TBC1D16: variants seen among roughly 807,000 people sequenced by gnomAD.
TBC1D16 encodes the protein CTD-2529O21.1.
TBC1D16 carries 58 observed loss-of-function variants against 74.7 expected under a neutral mutation model. The observed-to-expected ratio is 0.78, with a 90% CI of 0.63 to 0.97. TBC1D16 has a LOEUF of 0.97. Ranked by LOEUF, TBC1D16 falls within the 50% of genes least tolerant of loss-of-function variation. The probability of loss-of-function intolerance (pLI) is 0.00; values close to 1 mark genes in which losing one functional copy is unlikely to be tolerated. For missense variants in TBC1D16, 1,014 were observed against 1,079.5 expected (o/e 0.94, Z 0.85); for synonymous variants, 493 against 474.7 (o/e 1.04, Z -0.50).
rs2033125867 is a variant in TBC1D16, at chr17:79,952,653, C to T, written c.941+4G>A. Reference sequence around the variant, plus strand: ...CCCAGGAGGCGCCCAGAGATGCTTCCTACCTGAAGAAAAGGCGGAGGGAGC... The same window carrying T: ...CCCAGGAGGCGCCCAGAGATGCTTCTTACCTGAAGAAAAGGCGGAGGGAGC... On this transcript the variant is annotated splice_donor_region_variant and intron_variant, in intron 4 of 11. Transcript: ENST00000310924. 8.8e-6 allele frequency: 14 copies of T among 1,591,042 alleles called. No homozygotes were observed. Among genetic ancestry groups the T allele is most frequent in the Middle Eastern group, 1.7e-4 (1 of 6,018 alleles).
Position 79,968,336 on chromosome 17 carries a change from C to T in TBC1D16, c.780-15518G>A, listed in dbSNP as rs1354178402. 2.6e-5 allele frequency among the ~76,000 whole-genome samples: 4 copies of T among 152,186 alleles called. No individual in the cohort carries two copies. The East Asian group carries it at 5.8e-4, about 22-fold the overall frequency. ...AAAGAATAGTCTTTTCAGCAAATGGCACAGAGACAACTGGATAGCCACATA... is the reference window on the plus strand; with the variant it reads ...AAAGAATAGTCTTTTCAGCAAATGGTACAGAGACAACTGGATAGCCACATA... On this transcript the variant is annotated intron_variant, in intron 3 of 11. Coordinates refer to ENST00000310924, the MANE Select transcript of TBC1D16 (RefSeq NM_019020.4).
chr17:80,024,578 A>ACACACAC (rs1220440676), intron 1 of TBC1D16, among the ~76,000 whole-genome samples: 521 of 24,362 alleles, frequency 0.021, 2 homozygotes, highest in Non-Finnish European at 0.029. Context: ...CACCATAGGC[A>ACACACAC]CACACACCAC....
In TBC1D16 at chr17:79,986,671, G is replaced by A. The variant is rs1350981167; in HGVS notation, c.779+23489C>T. Among the ~76,000 whole-genome samples the A allele has an allele frequency of 6.6e-6, 1 of 152,080 alleles. No individual in the cohort carries two copies. The highest frequency in any genetic ancestry group is 6.5e-5 in the Admixed American group (1 of 15,278). ...CGAGTTCTTTGCCTCTTATTAAAGGGCAGAGCCACCATGGTGGGTGAACGG... is the reference window on the plus strand; with the variant it reads ...CGAGTTCTTTGCCTCTTATTAAAGGACAGAGCCACCATGGTGGGTGAACGG... On this transcript the variant is annotated intron_variant, in intron 3 of 11. Coordinates refer to ENST00000310924, the MANE Select transcript of TBC1D16 (RefSeq NM_019020.4). This position sits in a 1 kb window ranked among gnomAD's most constrained non-coding sequence, Gnocchi z 6.0.
intron 1 of TBC1D16, among the ~76,000 whole-genome samples, chr17:80,033,484 C>T (rs1276389766): frequency 6.6e-6 from 1 of 151,966 alleles, no homozygotes; most frequent in East Asian, 1.9e-4. Flanking sequence ...GCTATCCTCC[C>T]ACCTCAGCCA....
rs1481645630 is a variant in TBC1D16 at position 79,979,705 on chromosome 17, C to T, written c.780-26887G>A. The stretch of plus-strand genomic sequence containing the variant: ...CGGAAAGGAATGTAACCTGTCAGGC[C>T]GCAAATCCCACGGTTCTCACTAGGA... On this transcript the variant is annotated intron_variant, in intron 3 of 11. Coordinates refer to ENST00000310924, the MANE Select transcript of TBC1D16 (RefSeq NM_019020.4). The surrounding 1 kb of genome is among the most constrained non-coding windows in gnomAD (Gnocchi z 4.8). Among the ~76,000 whole-genome samples, 4 of 151,924 alleles carry T rather than the reference C, an allele frequency of 2.6e-5. No homozygotes were observed. The highest frequency in any genetic ancestry group is 2.1e-4 in the South Asian group (1 of 4,808).
At chr17:79,996,091 C>T (rs2035263822) in intron 3 of TBC1D16, among the ~76,000 whole-genome samples, 1 of 152,190 alleles carries the variant, frequency 6.6e-6, no homozygotes, top group African/African-American at 2.4e-5. Context: ...CTTTGGGTAT[C>T]TGTCTTCATT....
rs1194091539 is a variant in TBC1D16, at chr17:79,935,807, G to A, written c.*5052C>T. ...AACAGATCACTTGCCATGGACATCA[G>A]TAATCTATTGGTAATGGTGGAAATT... On this transcript the variant is annotated 3_prime_UTR_variant, in exon 12 of 12. Transcript: ENST00000310924. 1 of 152,172 alleles carries A rather than the reference G, an allele frequency of 6.6e-6. No homozygotes were observed. Among genetic ancestry groups the A allele is most frequent in the African/African-American group, 2.4e-5 (1 of 41,428 alleles). The allele number at this position is 152,172 out of a possible 1,614,324, so 9.4% of individuals were successfully genotyped here. A position where few individuals can be genotyped will look rare whatever the true frequency, so the allele number is the denominator to read the frequency against.
intron 1 of TBC1D16, among the ~76,000 whole-genome samples, chr17:80,014,604 G>C (rs1388747859): frequency 6.6e-6 from 1 of 151,808 alleles, no homozygotes; most frequent in African/African-American, 2.4e-5. Flanking sequence ...GAGGGAAAGG[G>C]GAGCTGTCAC....
chr17:80,018,100 CT>C (rs2144724818), intron 1 of TBC1D16, among the ~76,000 whole-genome samples: 1 of 151,564 alleles, frequency 6.6e-6, no homozygotes, highest in Non-Finnish European at 1.5e-5. Flanking sequence ...AAGAAAATTG[CT>C]CGCCGTCCTC....
chr17:80,020,826 C>G lies in TBC1D16; in HGVS notation c.-62-7217G>C, dbSNP rs1217784575. ...GGTTCCCCGAAATGTAAGAGTGCTG[C>G]CAGGGATTTAAATCTCCACCAGGCT... On this transcript the variant is annotated intron_variant, in intron 1 of 11. Coordinates refer to ENST00000310924, the MANE Select transcript of TBC1D16 (RefSeq NM_019020.4). 1.3e-5 allele frequency among the ~76,000 whole-genome samples: 2 copies of G among 149,992 alleles called. 1 individual carries two copies. The highest frequency in any genetic ancestry group is 5.1e-5 in the African/African-American group (2 of 39,380).
Position 80,009,226 on chromosome 17 carries a change from C to T in TBC1D16, c.779+934G>A, listed in dbSNP as rs1334631962. Among the ~76,000 whole-genome samples the T allele has an allele frequency of 6.6e-6, 1 of 152,224 alleles. No individual in the cohort carries two copies. The highest frequency in any genetic ancestry group is 1.5e-5 in the Non-Finnish European group (1 of 68,044). ...TAATGACCTGCTCGCTGACTGATGT[C>T]GGCTCTTACTGTTGTCTGTGGTCAC... On this transcript the variant is annotated intron_variant, in intron 3 of 11. Coordinates refer to ENST00000310924, the MANE Select transcript of TBC1D16 (RefSeq NM_019020.4). This position sits in a 1 kb window ranked among gnomAD's most constrained non-coding sequence, Gnocchi z 5.4.
chr17:80,010,919 C>A lies in TBC1D16; in HGVS notation c.182-162G>T, dbSNP rs2035866844. Reference sequence around the variant, plus strand: ...CCTGAGCAAAAACACTAGAGGGAAACTGTGGAGCTTGAAATGAATTCCAGC... The same window carrying A: ...CCTGAGCAAAAACACTAGAGGGAAAATGTGGAGCTTGAAATGAATTCCAGC... On this transcript the variant is annotated intron_variant, in intron 2 of 11. Transcript: ENST00000310924. The surrounding 1 kb of genome is among the most constrained non-coding windows in gnomAD (Gnocchi z 8.8). Among the ~76,000 whole-genome samples, 1 of 152,218 alleles carries A rather than the reference C, an allele frequency of 6.6e-6. No homozygotes were observed. The highest frequency in any genetic ancestry group is 2.4e-5 in the African/African-American group (1 of 41,458).
At chr17:79,942,334 C>CA in intron 10 of TBC1D16, 128 bp from the exon 11 acceptor site, 5 of 1,078,608 alleles carry the variant, frequency 4.6e-6, no homozygotes, top group Non-Finnish European at 6.5e-6. Context: ...CAGCCCAGCT[C>CA]GGGGGCCGTG....
rs541273359 is a variant in TBC1D16 at position 79,993,822 on chromosome 17, C to T, written c.779+16338G>A. 6.6e-6 allele frequency among the ~76,000 whole-genome samples: 1 copy of T among 152,278 alleles called. No homozygotes were observed. The highest frequency in any genetic ancestry group is 2.1e-4 in the South Asian group (1 of 4,814). On this transcript the variant is annotated intron_variant, in intron 3 of 11. Transcript: ENST00000310924. This position sits in a 1 kb window ranked among gnomAD's most constrained non-coding sequence, Gnocchi z 5.1. ...GCAAGAGCTGGGGCTCGGGAGCCTC[C>T]CAAGGGCAGCTCTGTGTATTCAGAG... is the stretch of plus-strand genomic sequence containing the variant.
chr17:79,992,981 G>A (rs913030956), intron 3 of TBC1D16: 1 of 152,406 alleles, frequency 6.6e-6, no homozygotes, highest in African/African-American at 2.4e-5. Context: ...GGACACAAGG[G>A]TGAGACGGTA....
intron 3 of TBC1D16, among the ~76,000 whole-genome samples, chr17:80,002,149 A>G (rs1014032713): frequency 1.3e-5 from 2 of 152,092 alleles, no homozygotes; most frequent in Non-Finnish European, 2.9e-5. Flanking sequence ...TCCTGCAAGG[A>G]TGCTTCCCAG....
At chr17:80,003,366 C>T (rs1395679558) in intron 3 of TBC1D16, among the ~76,000 whole-genome samples, 1 of 152,186 alleles carries the variant, frequency 6.6e-6, no homozygotes, top group East Asian at 1.9e-4. Flanking sequence ...GACAAGAGGA[C>T]CCAGGGAGAG....
rs767913010 is a variant in TBC1D16, at chr17:79,956,311, T to A, written c.780-3493A>T. On this transcript the variant is annotated intron_variant, in intron 3 of 11. Transcript: ENST00000310924. The surrounding 1 kb of genome is among the most constrained non-coding windows in gnomAD (Gnocchi z 4.0). Reference sequence around the variant, plus strand: ...CTCTATCCCCCTGGCTGAAGTGCGGTGGTGCAAACACAACTCACCGCAGCC... The same window carrying A: ...CTCTATCCCCCTGGCTGAAGTGCGGAGGTGCAAACACAACTCACCGCAGCC... Among the ~76,000 whole-genome samples, 6 of 152,242 alleles carry A rather than the reference T, an allele frequency of 3.9e-5. No individual in the cohort carries two copies. Among genetic ancestry groups the A allele is most frequent in the Non-Finnish European group, 8.8e-5 (6 of 68,042 alleles).
In TBC1D16 at chr17:79,944,054, G is replaced by A. The variant is rs771575433; in HGVS notation, c.1908+854C>T. 11 of 1,535,984 alleles carry A rather than the reference G, an allele frequency of 7.2e-6. No homozygotes were observed. The highest frequency in any genetic ancestry group is 5.9e-5 in the Admixed American group (3 of 51,002). On this transcript the variant is annotated intron_variant, in intron 10 of 11. Transcript: ENST00000310924. The surrounding 1 kb of genome is among the most constrained non-coding windows in gnomAD (Gnocchi z 7.7). The stretch of plus-strand genomic sequence containing the variant: ...GCCGATGACCGCATGCAAAGGCGGC[G>A]TGTGGTACCGGCACTCGGTGGCTTC...
Sources: allele counts gnomAD v4.1 joint callset (sites outside exome capture counted in the v4.1 genomes callset), GRCh38; gene constraint gnomAD v4.1.1; non-coding constraint Gnocchi (gnomAD v3.1); transcripts MANE v1.5; gene names NCBI Gene and HGNC (gene_info 2026-07-23, HGNC 2026-07-21).